The following NFASC variants were observed in gnomAD, a reference collection of about 807,000 sequenced individuals.
NFASC encodes the protein neurofascin, also known as neurofascin homolog.
NFASC carries 43 observed loss-of-function variants against 147.5 expected under a neutral mutation model. The ratio of observed to expected loss-of-function variants is 0.29; its 90% CI spans 0.23 to 0.38. The LOEUF is 0.38. NFASC is among the 10% of genes least tolerant of loss of function. The pLI is 1.00. For synonymous variants in NFASC, 622 were observed against 665.5 expected, an observed-to-expected ratio of 0.93 and a Z score of 1.01; for missense variants, 1,320 against 1,689.0, an observed-to-expected ratio of 0.78 and a Z score of 3.83.
chr1:204,943,675 T>G (rs1389507208), intron 2 of NFASC, among the ~76,000 whole-genome samples: 1 of 152,174 alleles, frequency 6.6e-6, no homozygotes, highest in Non-Finnish European at 1.5e-5. Flanking sequence ...CGTCCTGGGA[T>G]CAAAGGACAT....
At position 204,877,067 on chromosome 1, in the gene NFASC, TTTATATATATATAA is replaced by T. The variant is rs1558550179; in HGVS notation, c.-199-43563_-199-43550del. ...TATATATAATATATTTATTTATATA[TTTATATATATATAA>T]TATATTTATTTATATATTTATATAT... is the stretch of plus-strand genomic sequence containing the variant. On this transcript the variant is annotated intron_variant, in intron 1 of 29. Transcript: ENST00000339876. 1.2e-3 allele frequency among the ~76,000 whole-genome samples: 129 copies of T among 110,494 alleles called. 14 individuals are homozygous for T. The East Asian group carries it at 0.016, about 14-fold the overall frequency. 72.5% of individuals were successfully genotyped at this position (110,494 alleles called of 152,430 possible).
intron 1 of NFASC, among the ~76,000 whole-genome samples, chr1:204,857,919 CTTT>C (rs58996261): frequency 1.6e-5 from 2 of 122,538 alleles, no homozygotes; most frequent in Non-Finnish European, 1.6e-5. Flanking sequence ...TCTTCTTCTT[CTTT>C]TTTTTTTTTT....
chr1:205,011,219 A>C (rs2096249215), intron 28 of NFASC, among the ~76,000 whole-genome samples: 1 of 140,754 alleles, frequency 7.1e-6, no homozygotes. Flanking sequence ...CCCCCCCAAA[A>C]CTCAACACAA....
At chr1:204,980,639 T>C (rs2278798) in intron 20 of NFASC, among the ~76,000 whole-genome samples, 199 bp downstream of exon 20, 59,663 of 151,894 alleles carry the variant, frequency 0.39, 11,902 homozygotes, top group Middle Eastern at 0.5. Flanking sequence ...AATGTCTAAG[T>C]GTAAGATTTC....
intron 1 of NFASC, among the ~76,000 whole-genome samples, chr1:204,879,059 C>T (rs10900427): frequency 6.6e-6 from 1 of 152,128 alleles, no homozygotes; most frequent in Non-Finnish European, 1.5e-5. Context: ...GGGAATAGCA[C>T]TGAGCCAAGC....
intron 21 of NFASC, 56 bp downstream of exon 21, chr1:204,982,076 G>A: frequency 8.0e-7 from 1 of 1,243,386 alleles, no homozygotes; most frequent in Non-Finnish European, 1.1e-6. Context: ...GGTCGCACGA[G>A]GCCACGCTCA....
At chr1:204,944,516 G>C (rs1443730451) in intron 3 of NFASC, 110 bp downstream of exon 3, 2 of 826,386 alleles carry the variant, frequency 2.4e-6, no homozygotes, top group East Asian at 5.7e-5. Context: ...ATTGAGGAGA[G>C]GGGACGCAGT....
chr1:204,937,497 T>C (rs1193550733), intron 2 of NFASC, among the ~76,000 whole-genome samples: 1 of 152,200 alleles, frequency 6.6e-6, no homozygotes, highest in Non-Finnish European at 1.5e-5. Context: ...CACAGATCTT[T>C]CTAGTGTCTC....
intron 3 of NFASC, chr1:204,944,655 G>A (rs1573485516): frequency 2.1e-6 from 1 of 486,308 alleles, no homozygotes; most frequent in African/African-American, 2.0e-5. Context: ...GGGGTGCCTG[G>A]AGCCAGCTGA....
chr1:204,934,010 T>C (rs1245040511), intron 2 of NFASC, among the ~76,000 whole-genome samples: 4 of 151,692 alleles, frequency 2.6e-5, no homozygotes, highest in Non-Finnish European at 5.9e-5. Flanking sequence ...TGGTGGCAGG[T>C]GCCTGTAATC....
chr1:205,009,524 A>T, intron 27 of NFASC, 33 bp from the exon 28 acceptor site: 1 of 1,611,302 alleles, frequency 6.2e-7, no homozygotes, highest in Non-Finnish European at 8.5e-7. Flanking sequence ...CCATGAAATC[A>T]TTCACGGGTT....
In NFASC at chr1:204,971,537, G is replaced by A. The variant is rs11802842; in HGVS notation, c.1135+790G>A. Among the ~76,000 whole-genome samples the A allele has an allele frequency of 9.4e-3, 1,435 of 152,298 alleles. 23 individuals carry two copies. The highest frequency in any genetic ancestry group is 0.033 in the African/African-American group (1,371 of 41,540). ...GCAGCTGGTAGAAGCAGGTGGAGAGGGGGGGACACAGGTAGAGGAGAGGGT... is the reference window on the plus strand; with the variant it reads ...GCAGCTGGTAGAAGCAGGTGGAGAGAGGGGGACACAGGTAGAGGAGAGGGT... On this transcript the variant is annotated intron_variant, in intron 11 of 29. Coordinates refer to ENST00000339876, the MANE Select transcript of NFASC (RefSeq NM_001005388.3).
intron 1 of NFASC, among the ~76,000 whole-genome samples, chr1:204,916,341 A>T (rs555543085): frequency 6.6e-6 from 1 of 152,208 alleles, no homozygotes; most frequent in South Asian, 2.1e-4. Flanking sequence ...AACTAACCCT[A>T]AAGTCCTATG....
chr1:204,948,325 C>G (rs1044444472), intron 3 of NFASC, among the ~76,000 whole-genome samples: 1 of 152,258 alleles, frequency 6.6e-6, no homozygotes, highest in African/African-American at 2.4e-5. Context: ...TGGGTTGGTT[C>G]TGTCCCTGTA....
chr1:204,958,103 A>G (rs770952206), intron 8 of NFASC, among the ~76,000 whole-genome samples: 4 of 152,178 alleles, frequency 2.6e-5, no homozygotes, highest in Non-Finnish European at 4.4e-5. Flanking sequence ...ACCCAGAACC[A>G]GCCTATCGTA....
At chr1:204,978,333 A>C (rs979944753) in intron 17 of NFASC, among the ~76,000 whole-genome samples, 9 of 152,190 alleles carry the variant, frequency 5.9e-5, no homozygotes, top group Admixed American at 5.2e-4. Context: ...AGTGAGATTC[A>C]TGCCCTAAAA....
At chr1:204,831,750 C>G (rs543315302) in intron 1 of NFASC, among the ~76,000 whole-genome samples, 49 of 152,106 alleles carry the variant, frequency 3.2e-4, no homozygotes, top group African/African-American at 1.1e-3. Context: ...GAACGTAAGG[C>G]CGGTTTCATA....
rs573328608 is a variant in NFASC, at chr1:204,869,298, A to G, written c.-200+40516A>G. Reference sequence around the variant, plus strand: ...GAAATTATGCCCTGCCCTGGGCGCCATACCACAATGAGTACTTTATCTTGT... The same window carrying G: ...GAAATTATGCCCTGCCCTGGGCGCCGTACCACAATGAGTACTTTATCTTGT... On this transcript the variant is annotated intron_variant, in intron 1 of 29. Transcript: ENST00000339876. 8.3e-4 allele frequency among the ~76,000 whole-genome samples: 126 copies of G among 152,358 alleles called. 1 individual carries two copies. Among genetic ancestry groups the G allele is most frequent in the African/African-American group, 2.8e-3 (117 of 41,592 alleles).
rs575789027 is a variant in NFASC, at chr1:204,986,380, C to G, written c.2471-1038C>G. 2.0e-5 allele frequency among the ~76,000 whole-genome samples: 3 copies of G among 152,324 alleles called. No homozygotes were observed. The highest frequency in any genetic ancestry group is 6.5e-5 in the Admixed American group (1 of 15,310). ...TTCCAGACGGGTTATGCAGACTGAT[C>G]CCCGAGGGCACGGCGGGCACCTGGG... On this transcript the variant is annotated intron_variant, in intron 21 of 29. Coordinates refer to ENST00000339876, the MANE Select transcript of NFASC (RefSeq NM_001005388.3). This position sits in a 1 kb window ranked among gnomAD's most constrained non-coding sequence, Gnocchi z 4.2.
Sources: allele counts gnomAD v4.1 joint callset (sites outside exome capture counted in the v4.1 genomes callset), GRCh38; gene constraint gnomAD v4.1.1; non-coding constraint Gnocchi (gnomAD v3.1); transcripts MANE v1.5; gene names NCBI Gene and HGNC (gene_info 2026-07-23, HGNC 2026-07-21).